Variants in B3GALT1 observed in about 807,000 individuals in gnomAD.
B3GALT1 encodes the protein UDP-Gal:betaGlcNAc beta 1,3-galactosyltransferase, polypeptide 1.
B3GALT1 carries 10 observed loss-of-function variants against 23.2 expected under a neutral mutation model. The ratio of observed to expected loss-of-function variants is 0.43; its 90% CI spans 0.27 to 0.73. The LOEUF (loss-of-function observed/expected upper bound fraction) is 0.73. Among genes scored for constraint, B3GALT1 ranks in the 30% least tolerant of loss-of-function variants. The probability of loss-of-function intolerance (pLI) is 0.21; values close to 1 mark genes in which losing one functional copy is unlikely to be tolerated. For missense variants in B3GALT1, 299 were observed against 405.4 expected (o/e 0.74, Z 2.25); for synonymous variants, 156 against 141.5 (o/e 1.10, Z -0.73).
chr2:167,447,013 A>T (rs1351261308), intron 1 of B3GALT1, among the ~76,000 whole-genome samples: 1 of 152,228 alleles, frequency 6.6e-6, no homozygotes, highest in South Asian at 2.1e-4. Flanking sequence ...TTGGTCTTTG[A>T]TGATGGTGAG....
At chr2:167,649,932 A>C (rs1242508427) in intron 3 of B3GALT1, among the ~76,000 whole-genome samples, 1 of 152,004 alleles carries the variant, frequency 6.6e-6, no homozygotes, top group Non-Finnish European at 1.5e-5. Flanking sequence ...AATTGATCTT[A>C]CTAGAATTTA....
At chr2:167,800,485 A>C (rs1198911928) in intron 3 of B3GALT1, among the ~76,000 whole-genome samples, 1 of 152,178 alleles carries the variant, frequency 6.6e-6, no homozygotes, top group Non-Finnish European at 1.5e-5. Context: ...CAACAGAGCA[A>C]AATCAAATAA....
intron 2 of B3GALT1, among the ~76,000 whole-genome samples, chr2:167,586,493 G>T (rs1489472296): frequency 3.3e-5 from 5 of 152,062 alleles, no homozygotes; most frequent in Non-Finnish European, 7.4e-5. Flanking sequence ...TAGAGACAGG[G>T]TTTCACCATG....
chr2:167,543,132 A>G (rs1574127871), intron 2 of B3GALT1, among the ~76,000 whole-genome samples: 1 of 152,286 alleles, frequency 6.6e-6, no homozygotes, highest in South Asian at 2.1e-4. Flanking sequence ...GAGGAAAATT[A>G]CAATTTATGG....
chr2:167,771,062 G>A (rs983664693), intron 3 of B3GALT1, among the ~76,000 whole-genome samples: 2 of 152,280 alleles, frequency 1.3e-5, no homozygotes, highest in East Asian at 1.9e-4. Context: ...TCAAATTACA[G>A]CTCCGTGTCC....
chr2:167,303,644 TACACACACACACACACACACAC>T (rs61323885), intron 1 of B3GALT1, among the ~76,000 whole-genome samples: 2 of 144,906 alleles, frequency 1.4e-5, no homozygotes, highest in Non-Finnish European at 3.0e-5. Flanking sequence ...AACACACACA[TACACACACACACACACACACAC>T]ACACACACAC....
At chr2:167,666,102 C>T (rs1264261512) in intron 3 of B3GALT1, among the ~76,000 whole-genome samples, 1 of 152,126 alleles carries the variant, frequency 6.6e-6, no homozygotes, top group Non-Finnish European at 1.5e-5. Context: ...TGTAAATTTC[C>T]CTCTACACAC....
chr2:167,453,646 A>G (rs1232858734), intron 1 of B3GALT1, among the ~76,000 whole-genome samples: 1 of 152,226 alleles, frequency 6.6e-6, no homozygotes, highest in Non-Finnish European at 1.5e-5. Flanking sequence ...TCTTACAAAG[A>G]CACATCAACT....
intron 3 of B3GALT1, among the ~76,000 whole-genome samples, chr2:167,721,032 CCT>C (rs1687223691): frequency 6.6e-6 from 1 of 151,824 alleles, no homozygotes. Context: ...TTTCTCTCTC[CCT>C]CTCTCCCCCA....
chr2:167,437,627 A>G (rs967609585), intron 1 of B3GALT1, among the ~76,000 whole-genome samples: 18 of 152,324 alleles, frequency 1.2e-4, no homozygotes, highest in African/African-American at 3.6e-4. Context: ...TCACTACCCA[A>G]ATGAAATTTT....
intron 3 of B3GALT1, among the ~76,000 whole-genome samples, chr2:167,746,416 C>G (rs989940795): frequency 6.6e-6 from 1 of 152,248 alleles, no homozygotes; most frequent in African/African-American, 2.4e-5. Context: ...CAAGCCCTCT[C>G]AAGCCTTTTT....
At chr2:167,408,381 G>A (rs1014119591) in intron 1 of B3GALT1, among the ~76,000 whole-genome samples, 4 of 152,034 alleles carry the variant, frequency 2.6e-5, no homozygotes, top group Non-Finnish European at 5.9e-5. Context: ...AATAATAAGG[G>A]CCATATGTGA....
intron 4 of B3GALT1, among the ~76,000 whole-genome samples, chr2:167,840,091 G>A (rs1445904613): frequency 2.0e-5 from 3 of 152,130 alleles, no homozygotes; most frequent in African/African-American, 7.2e-5. Context: ...AGAAAACCTA[G>A]GCATTACCAT....
At chr2:167,742,950 A>T (rs1687597886) in intron 3 of B3GALT1, among the ~76,000 whole-genome samples, 1 of 152,136 alleles carries the variant, frequency 6.6e-6, no homozygotes, top group Non-Finnish European at 1.5e-5. Flanking sequence ...AATGTGTCAC[A>T]TGTATATCAT....
intron 1 of B3GALT1, among the ~76,000 whole-genome samples, chr2:167,361,375 G>A (rs1215375040): frequency 6.6e-6 from 1 of 151,926 alleles, no homozygotes; most frequent in Non-Finnish European, 1.5e-5. Flanking sequence ...AAGAATCCAA[G>A]AAAATTCTCA....
intron 2 of B3GALT1, among the ~76,000 whole-genome samples, chr2:167,534,034 CCTTTATT>C (rs1683374440): frequency 6.6e-6 from 1 of 152,016 alleles, no homozygotes; most frequent in African/African-American, 2.4e-5. Context: ...TGGTAATTTG[CCTTTATT>C]CTGACTGATA....
chr2:167,801,858 A>G (rs1205513130), intron 3 of B3GALT1, among the ~76,000 whole-genome samples: 1 of 152,208 alleles, frequency 6.6e-6, no homozygotes, highest in Admixed American at 6.5e-5. Context: ...AATTTGCTAC[A>G]GCCTCTCAAG....
chr2:167,364,242 A>G (rs1029410854), intron 1 of B3GALT1, among the ~76,000 whole-genome samples: 3 of 150,986 alleles, frequency 2.0e-5, no homozygotes, highest in East Asian at 1.9e-4. Flanking sequence ...ACTTATATCA[A>G]GGTTAATGGG....
chr2:167,564,539 C>T (rs977623861), intron 2 of B3GALT1, among the ~76,000 whole-genome samples: 2 of 152,296 alleles, frequency 1.3e-5, no homozygotes, highest in Admixed American at 6.5e-5. Flanking sequence ...CGCAGCGAGC[C>T]GAGACCACGC....
Sources: allele counts gnomAD v4.1 joint callset (sites outside exome capture counted in the v4.1 genomes callset), GRCh38; gene constraint gnomAD v4.1.1; transcripts MANE v1.5; gene names NCBI Gene and HGNC (gene_info 2026-07-23, HGNC 2026-07-21).